Variants in AKT3 observed in about 807,000 individuals in gnomAD.
AKT3 encodes AKT serine/threonine kinase 3, also known as RAC-gamma serine/threonine-protein kinase.
In AKT3, 15 loss-of-function variants were observed where a neutral mutation model predicts 65.3. The observed-to-expected ratio is 0.23, with a 90% CI of 0.15 to 0.35. The LOEUF (loss-of-function observed/expected upper bound fraction) is 0.35, where lower values mean the gene tolerates loss of function less well. Ranked by LOEUF, AKT3 falls within the 10% of genes least tolerant of loss-of-function variation. AKT3 has a pLI of 1.00. For synonymous variants in AKT3, 206 were observed against 183.8 expected (o/e 1.12, Z -0.98); for missense variants, 243 against 576.5 (o/e 0.42, Z 5.92).
rs556837972 is a variant in AKT3, at chr1:243,678,152, T to C, written c.173-13269A>G. Among the ~76,000 whole-genome samples the C allele has an allele frequency of 1.0e-3, 158 of 152,252 alleles. 1 individual carries two copies. The highest frequency in any genetic ancestry group is 3.7e-3 in the African/African-American group (155 of 41,558). The stretch of plus-strand genomic sequence containing the variant: ...AGTCATTATCAGAATACCACCTCTT[T>C]GGAAAGCACTCTCTAACTTCTTTAA... On this transcript the variant is annotated intron_variant, in intron 3 of 13. Coordinates refer to ENST00000673466, the MANE Select transcript of AKT3 (RefSeq NM_005465.7).
intron 2 of AKT3, among the ~76,000 whole-genome samples, chr1:243,782,308 G>T (rs1361601489): frequency 6.6e-6 from 1 of 152,144 alleles, no homozygotes; most frequent in Non-Finnish European, 1.5e-5. Flanking sequence ...CCATAAAGTA[G>T]GGAGCTTATA....
At chr1:243,505,464 AT>A in intron 13 of AKT3, 130 bp from the exon 14 acceptor site, 1 of 689,584 alleles carries the variant, frequency 1.5e-6, no homozygotes, top group South Asian at 1.8e-5. Flanking sequence ...ACTTGTGTTC[AT>A]CAATAAGCTG....
At chr1:243,748,527 A>T (rs184531409) in intron 2 of AKT3, among the ~76,000 whole-genome samples, 36 of 152,304 alleles carry the variant, frequency 2.4e-4, no homozygotes, top group Admixed American at 2.2e-3. Flanking sequence ...TAAAACCAGA[A>T]CCAATTCAGC....
intron 2 of AKT3, among the ~76,000 whole-genome samples, chr1:243,769,768 G>A (rs1430563390): frequency 6.6e-6 from 1 of 152,100 alleles, no homozygotes; most frequent in Non-Finnish European, 1.5e-5. Flanking sequence ...GTTGTTTCCT[G>A]AAGACCTTCT....
At chr1:243,517,173 G>T (rs1272351134) in intron 12 of AKT3, among the ~76,000 whole-genome samples, 1 of 152,020 alleles carries the variant, frequency 6.6e-6, no homozygotes, top group Non-Finnish European at 1.5e-5. Flanking sequence ...TTCCTTCAAA[G>T]AGAAAATGTT....
chr1:243,709,890 G>A (rs983909529), intron 2 of AKT3, among the ~76,000 whole-genome samples: 3 of 151,986 alleles, frequency 2.0e-5, no homozygotes, highest in Non-Finnish European at 4.4e-5. Flanking sequence ...CAAAAAAATA[G>A]ACAAACTTCA....
chr1:243,555,868 C>T (rs1295770323), intron 10 of AKT3, among the ~76,000 whole-genome samples: 1 of 152,124 alleles, frequency 6.6e-6, no homozygotes, highest in Admixed American at 6.6e-5. Flanking sequence ...ACATTACTGA[C>T]TTGTAAATGA....
At position 243,605,622 on chromosome 1, in the gene AKT3, A is replaced by G. The variant is rs543358828; in HGVS notation, c.696+8049T>C. On this transcript the variant is annotated intron_variant, in intron 8 of 13. Transcript: ENST00000673466. ...ACTTCTTTGAATTCATATAAATTACATGCAACTATGATGAAATTCCATTGT... is the reference window on the plus strand; with the variant it reads ...ACTTCTTTGAATTCATATAAATTACGTGCAACTATGATGAAATTCCATTGT... 5.3e-5 allele frequency among the ~76,000 whole-genome samples: 8 copies of G among 152,368 alleles called. No homozygotes were observed. The South Asian group carries it at 1.7e-3, about 32-fold the overall frequency.
chr1:243,544,275 G>T (rs572482336), intron 12 of AKT3, among the ~76,000 whole-genome samples: 10 of 149,730 alleles, frequency 6.7e-5, no homozygotes, highest in Non-Finnish European at 1.3e-4. Flanking sequence ...GCAGGGGGAG[G>T]GGGGGACAGA....
At chr1:243,659,743 G>A (rs1442226259) in intron 4 of AKT3, among the ~76,000 whole-genome samples, 4 of 152,174 alleles carry the variant, frequency 2.6e-5, no homozygotes, top group Non-Finnish European at 5.9e-5. Context: ...AGACAGGTGA[G>A]AGATATACAG....
chr1:243,721,848 G>A (rs1271996206), intron 2 of AKT3, among the ~76,000 whole-genome samples: 1 of 152,060 alleles, frequency 6.6e-6, no homozygotes. Context: ...TCCAGGCAAG[G>A]CACATCAGAG....
At chr1:243,695,305 C>T (rs1684992268) in intron 3 of AKT3, among the ~76,000 whole-genome samples, 1 of 151,820 alleles carries the variant, frequency 6.6e-6, no homozygotes, top group South Asian at 2.1e-4. Context: ...TTCAAAGGTC[C>T]TTGTTTTTAT....
intron 2 of AKT3, among the ~76,000 whole-genome samples, chr1:243,741,962 A>G: frequency 6.6e-6 from 1 of 152,078 alleles, no homozygotes; most frequent in Non-Finnish European, 1.5e-5. Flanking sequence ...AAATACCTGT[A>G]AACTACAGTA....
chr1:243,598,074 T>C (rs1194284125), intron 8 of AKT3, among the ~76,000 whole-genome samples: 1 of 152,190 alleles, frequency 6.6e-6, no homozygotes, highest in Admixed American at 6.5e-5. Context: ...GGCAAAGGCA[T>C]AGGAAAATGA....
chr1:243,491,898 GCTTAA>G (rs1310443087), intron 13 of AKT3, among the ~76,000 whole-genome samples: 1 of 152,194 alleles, frequency 6.6e-6, no homozygotes, highest in Non-Finnish European at 1.5e-5. Flanking sequence ...GATGAGTTAA[GCTTAA>G]CTTAATTTTG....
At chr1:243,735,915 TGTGCTA>T (rs1687819819) in intron 2 of AKT3, among the ~76,000 whole-genome samples, 1 of 152,216 alleles carries the variant, frequency 6.6e-6, no homozygotes, top group Non-Finnish European at 1.5e-5. Context: ...TATTCTTCCT[TGTGCTA>T]GTGCTAAACA....
intron 2 of AKT3, among the ~76,000 whole-genome samples, chr1:243,805,834 T>C (rs905881139): frequency 7.9e-5 from 12 of 152,212 alleles, no homozygotes; most frequent in Admixed American, 2.0e-4. Flanking sequence ...TCTTCAATGT[T>C]CATTTTCCAT....
chr1:243,517,001 T>C (rs945926240), intron 12 of AKT3, among the ~76,000 whole-genome samples: 2 of 152,228 alleles, frequency 1.3e-5, no homozygotes, highest in African/African-American at 4.8e-5. Context: ...AATTTAAGTA[T>C]TGCTTTAGCT....
chr1:243,821,404 T>C (rs1204501689), intron 2 of AKT3, among the ~76,000 whole-genome samples: 1 of 152,124 alleles, frequency 6.6e-6, no homozygotes, highest in African/African-American at 2.4e-5. Context: ...GCTAACATCA[T>C]GATGACAGAA....
Sources: gnomAD v4.1 joint callset for allele counts (sites outside exome capture counted in the v4.1 genomes callset) on GRCh38, gnomAD v4.1.1 for gene constraint, MANE v1.5 for transcripts, NCBI Gene and HGNC (gene_info 2026-07-23, HGNC 2026-07-21) for gene names.